Variants in GRID2 observed in about 807,000 individuals in gnomAD.
GRID2 encodes the protein glutamate ionotropic receptor delta type subunit 2.
Under a neutral mutation model 114.8 loss-of-function variants are expected in GRID2, and 33 were observed. The observed-to-expected ratio is 0.29, with a 90% CI of 0.22 to 0.38. GRID2 has a LOEUF of 0.38. Among genes scored for constraint, GRID2 ranks in the 10% least tolerant of loss-of-function variants. GRID2 has a pLI of 1.00. For missense variants in GRID2, 1,184 were observed against 1,257.7 expected, an observed-to-expected ratio of 0.94 and a Z score of 0.89; for synonymous variants, 505 against 449.9, an observed-to-expected ratio of 1.12 and a Z score of -1.55.
chr4:92,875,320 C>T (rs991365853), intron 2 of GRID2, among the ~76,000 whole-genome samples: 2 of 152,002 alleles, frequency 1.3e-5, no homozygotes, highest in Non-Finnish European at 2.9e-5. Flanking sequence ...CACACCACCA[C>T]ACCCGGCTAA....
chr4:92,634,762 T>C (rs1042414132), intron 2 of GRID2, among the ~76,000 whole-genome samples: 12 of 149,342 alleles, frequency 8.0e-5, no homozygotes, highest in African/African-American at 2.9e-4. Flanking sequence ...TTTTTTTTTT[T>C]CAGACATTGC....
chr4:92,415,377 A>G (rs1731544958), intron 1 of GRID2, among the ~76,000 whole-genome samples: 1 of 151,566 alleles, frequency 6.6e-6, no homozygotes, highest in African/African-American at 2.4e-5. Flanking sequence ...TTGCATGGAA[A>G]AGTTCTTTAG....
intron 14 of GRID2, among the ~76,000 whole-genome samples, chr4:93,663,356 C>T (rs574374663): frequency 6.6e-6 from 1 of 152,258 alleles, no homozygotes; most frequent in Admixed American, 6.5e-5. Context: ...AATGTGTCCC[C>T]CAAAACCATT....
At chr4:93,729,499 T>C (rs1182248948) in intron 14 of GRID2, among the ~76,000 whole-genome samples, 1 of 152,120 alleles carries the variant, frequency 6.6e-6, no homozygotes, top group African/African-American at 2.4e-5. Context: ...CCCCTCCCCT[T>C]TCTTGCTAAC....
intron 4 of GRID2, among the ~76,000 whole-genome samples, chr4:93,136,178 G>T (rs1377206560): frequency 6.6e-6 from 1 of 151,578 alleles, no homozygotes; most frequent in Admixed American, 6.6e-5. Context: ...ATCTGCCTCC[G>T]CAGGCTGTTC....
chr4:93,514,918 G>A (rs1729558041), intron 12 of GRID2, among the ~76,000 whole-genome samples: 1 of 152,062 alleles, frequency 6.6e-6, no homozygotes, highest in Admixed American at 6.6e-5. Context: ...TGTCTTTGAT[G>A]GAATTGCTAG....
At chr4:93,664,801 T>A (rs1245206485) in intron 14 of GRID2, among the ~76,000 whole-genome samples, 2 of 152,192 alleles carry the variant, frequency 1.3e-5, no homozygotes, top group African/African-American at 4.8e-5. Context: ...TCAACTTTCT[T>A]ATCTGTATTA....
intron 2 of GRID2, among the ~76,000 whole-genome samples, chr4:92,767,328 A>T (rs764426516): frequency 2.6e-5 from 4 of 152,106 alleles, no homozygotes; most frequent in Non-Finnish European, 5.9e-5. Context: ...AATAGAGAAA[A>T]TTCTATCTTA....
intron 4 of GRID2, among the ~76,000 whole-genome samples, chr4:93,122,338 G>A (rs1733849901): frequency 6.6e-6 from 1 of 152,122 alleles, no homozygotes; most frequent in South Asian, 2.1e-4. Context: ...CAAGATCAGT[G>A]TGTCTAAATG....
At chr4:93,149,666 T>C (rs2149395504) in intron 4 of GRID2, among the ~76,000 whole-genome samples, 1 of 152,172 alleles carries the variant, frequency 6.6e-6, no homozygotes, top group South Asian at 2.1e-4. Flanking sequence ...CAGGGTCTCA[T>C]TCTGTCACCA....
chr4:93,332,293 T>TGAGAGAGAGAGAGAGAGAGA (rs1182268164), intron 8 of GRID2, among the ~76,000 whole-genome samples: 11 of 114,754 alleles, frequency 9.6e-5, no homozygotes, highest in African/African-American at 5.1e-4. Context: ...TGTGTGTGTG[T>TGAGAGAGAGAGAGAGAGAGA]GTGTGTGAGA....
intron 1 of GRID2, among the ~76,000 whole-genome samples, chr4:93,779,647 G>A (rs1329502094): frequency 1.3e-5 from 2 of 152,102 alleles, no homozygotes; most frequent in African/African-American, 4.8e-5. Flanking sequence ...TCAAATTAGT[G>A]GTATAGAAAA....
chr4:93,099,854 A>G (rs1460461924), intron 3 of GRID2, among the ~76,000 whole-genome samples: 2 of 151,942 alleles, frequency 1.3e-5, no homozygotes, highest in Non-Finnish European at 2.9e-5. Context: ...TATTCTGTGT[A>G]GTCTTGATGT....
At chr4:92,643,766 A>T (rs540238153) in intron 2 of GRID2, among the ~76,000 whole-genome samples, 6 of 151,060 alleles carry the variant, frequency 4.0e-5, no homozygotes, top group African/African-American at 7.3e-5. Flanking sequence ...GGCCAAATTT[A>T]AAAAAAAATT....
chr4:93,535,051 A>G (rs1274677519), intron 13 of GRID2, among the ~76,000 whole-genome samples: 1 of 151,954 alleles, frequency 6.6e-6, no homozygotes, highest in Non-Finnish European at 1.5e-5. Flanking sequence ...GGTAACGACC[A>G]TTCTACTCTC....
At chr4:93,537,341 A>G (rs1265574372) in intron 13 of GRID2, among the ~76,000 whole-genome samples, 2 of 151,844 alleles carry the variant, frequency 1.3e-5, no homozygotes, top group South Asian at 2.1e-4. Context: ...TTTGAGAGAT[A>G]TATTAAGATG....
intron 1 of GRID2, among the ~76,000 whole-genome samples, chr4:92,435,561 A>T (rs867113366): frequency 6.6e-6 from 1 of 152,236 alleles, no homozygotes; most frequent in African/African-American, 2.4e-5. Context: ...GAGTGAGACT[A>T]TGTGAATCAC....
At position 93,503,038 on chromosome 4, in the gene GRID2, T is replaced by C. The variant is rs944971243; in HGVS notation, c.1998-12178T>C. 2.6e-4 allele frequency among the ~76,000 whole-genome samples: 40 copies of C among 152,108 alleles called. 1 individual carries two copies. Among genetic ancestry groups the C allele is most frequent in the African/African-American group, 9.7e-4 (40 of 41,442 alleles). On this transcript the variant is annotated intron_variant, in intron 12 of 15. Coordinates refer to ENST00000282020, the MANE Select transcript of GRID2 (RefSeq NM_001510.4). ...GTTAATAAGACCTGGCTCTCAGGCA[T>C]CAAGATATGCATTTAATATCAACTT...
chr4:93,117,883 A>G (rs1733426621), intron 4 of GRID2, among the ~76,000 whole-genome samples: 1 of 152,188 alleles, frequency 6.6e-6, no homozygotes, highest in Non-Finnish European at 1.5e-5. Context: ...AAATATAAAT[A>G]CAAAAAAGGC....
Sources: gnomAD v4.1 joint callset for allele counts (sites outside exome capture counted in the v4.1 genomes callset) on GRCh38, gnomAD v4.1.1 for gene constraint, MANE v1.5 for transcripts, NCBI Gene and HGNC (gene_info 2026-07-23, HGNC 2026-07-21) for gene names.